Variants in HCN1 observed in about 807,000 individuals in gnomAD.
HCN1 encodes potassium/sodium hyperpolarization-activated cyclic nucleotide-gated channel 1.
Under a neutral mutation model 78.9 loss-of-function variants are expected in HCN1, and 13 were observed. The ratio of observed to expected loss-of-function variants is 0.16; its 90% CI spans 0.11 to 0.26. The LOEUF is 0.26. HCN1 is among the 10% of genes least tolerant of loss of function. The pLI, the probability that HCN1 is intolerant of heterozygous loss-of-function variation, is 1.00. For synonymous variants in HCN1, 552 were observed against 455.5 expected, an observed-to-expected ratio of 1.21 and a Z score of -2.70; for missense variants, 810 against 1,154.3, an observed-to-expected ratio of 0.70 and a Z score of 4.32.
chr5:45,518,207 C>T (rs1742547622), intron 2 of HCN1, among the ~76,000 whole-genome samples: 1 of 152,030 alleles, frequency 6.6e-6, no homozygotes, highest in African/African-American at 2.4e-5. Flanking sequence ...CTATGATGTA[C>T]AACATTTGGC....
chr5:45,353,267 A>C (rs1320196673), intron 4 of HCN1, 21 bp from the exon 5 acceptor site: 1 of 1,556,090 alleles, frequency 6.4e-7, no homozygotes, highest in East Asian at 2.3e-5. Flanking sequence ...GGGAAAATAA[A>C]ATTAAAAAAA....
rs369936298 is a variant in HCN1, at chr5:45,349,381, G to C, written c.1377+3719C>G. Among the ~76,000 whole-genome samples the C allele has an allele frequency of 8.6e-4, 131 of 152,316 alleles. 1 individual carries two copies. In the South Asian group the frequency reaches 0.019, roughly 22 times the overall value. ...TGGGACACATTCAAAGTAGTGTGTA[G>C]AGGGAAATTCATAGCACTAAATGCC... On this transcript the variant is annotated intron_variant, in intron 5 of 7. Transcript: ENST00000303230.
intron 1 of HCN1, among the ~76,000 whole-genome samples, chr5:45,660,535 C>T (rs1164476281): frequency 6.6e-6 from 1 of 151,742 alleles, no homozygotes; most frequent in Non-Finnish European, 1.5e-5. Flanking sequence ...CAAGACCCAT[C>T]AGTGTGCTGT....
chr5:45,273,790 C>A (rs1480380067), intron 6 of HCN1, among the ~76,000 whole-genome samples: 1 of 152,074 alleles, frequency 6.6e-6, no homozygotes, highest in African/African-American at 2.4e-5. Flanking sequence ...CAGAAAATAT[C>A]ACTTTTTTGC....
intron 1 of HCN1, among the ~76,000 whole-genome samples, chr5:45,689,345 C>A (rs34159951): frequency 0.031 from 4,658 of 151,972 alleles, 105 homozygotes; most frequent in Non-Finnish European, 0.046. Context: ...CAAGAAAAGT[C>A]TATTATGTGC....
At chr5:45,695,577 C>T (rs964345206) in intron 1 of HCN1, 92 bp downstream of exon 1, 2 of 1,307,058 alleles carry the variant, frequency 1.5e-6, no homozygotes. Context: ...GCCCGCCCTC[C>T]TAGTCCCCGG....
At chr5:45,488,973 A>C (rs1408623246) in intron 2 of HCN1, among the ~76,000 whole-genome samples, 1 of 152,170 alleles carries the variant, frequency 6.6e-6, no homozygotes, top group African/African-American at 2.4e-5. Flanking sequence ...TGAATAAAAC[A>C]GTTGCTGAAT....
chr5:45,444,167 C>A (rs1357152389), intron 3 of HCN1, among the ~76,000 whole-genome samples: 2 of 152,156 alleles, frequency 1.3e-5, no homozygotes, highest in Admixed American at 1.3e-4. Context: ...TACTTTACTG[C>A]TTTCTTAATA....
Position 45,287,075 on chromosome 5 carries a change from G to T in HCN1, c.1618+16524C>A, listed in dbSNP as rs140027995. Among the ~76,000 whole-genome samples, 36 of 151,664 alleles carry T rather than the reference G, an allele frequency of 2.4e-4. 1 individual carries two copies. In the East Asian group the frequency reaches 7.0e-3, roughly 29 times the overall value. ...ATATTATTTAGCAATAGGCTAGAAG[G>T]TATGCGTGTGTGTGTGTGTGTGTCT... On this transcript the variant is annotated intron_variant, in intron 6 of 7. Transcript: ENST00000303230.
At chr5:45,503,855 G>A (rs1195353647) in intron 2 of HCN1, among the ~76,000 whole-genome samples, 2 of 149,270 alleles carry the variant, frequency 1.3e-5, no homozygotes, top group East Asian at 2.0e-4. Context: ...GTGCCATCTC[G>A]GCTCACTGCA....
chr5:45,657,995 A>G (rs2112051587), intron 1 of HCN1, among the ~76,000 whole-genome samples: 1 of 152,230 alleles, frequency 6.6e-6, no homozygotes, highest in East Asian at 1.9e-4. Flanking sequence ...AAACTATACT[A>G]CAAGGCTACA....
At chr5:45,661,188 C>G (rs1424875500) in intron 1 of HCN1, among the ~76,000 whole-genome samples, 2 of 137,498 alleles carry the variant, frequency 1.5e-5, no homozygotes, top group African/African-American at 5.5e-5. Flanking sequence ...ACTGAACAAC[C>G]TGCTCCTGAA....
chr5:45,422,479 C>A (rs1190001823), intron 3 of HCN1, among the ~76,000 whole-genome samples: 1 of 152,142 alleles, frequency 6.6e-6, no homozygotes, highest in Non-Finnish European at 1.5e-5. Flanking sequence ...CTCACTTAAA[C>A]CTAATCACCC....
Position 45,272,074 on chromosome 5 carries a change from T to C in HCN1, c.1619-4821A>G, listed in dbSNP as rs1482475119. 2.0e-5 allele frequency among the ~76,000 whole-genome samples: 3 copies of C among 152,156 alleles called. No individual in the cohort carries two copies. In the East Asian group the frequency reaches 5.8e-4, roughly 29 times the overall value. On this transcript the variant is annotated intron_variant, in intron 6 of 7. Transcript: ENST00000303230. ...ACAGAATTAAGAAATGGCACACCCT[T>C]AGCAACGAAAAAAGAGTAAACTTTC...
At chr5:45,354,361 TA>T (rs1424906629) in intron 4 of HCN1, among the ~76,000 whole-genome samples, 1 of 151,906 alleles carries the variant, frequency 6.6e-6, no homozygotes, top group Non-Finnish European at 1.5e-5. Context: ...CAGCATCGAG[TA>T]CAAATTTTAA....
At chr5:45,297,083 G>C (rs1480740031) in intron 6 of HCN1, among the ~76,000 whole-genome samples, 1 of 152,082 alleles carries the variant, frequency 6.6e-6, no homozygotes, top group Non-Finnish European at 1.5e-5. Context: ...GCCCCAAACA[G>C]AGATTTACCC....
At chr5:45,487,252 C>T (rs2111689494) in intron 2 of HCN1, among the ~76,000 whole-genome samples, 1 of 152,092 alleles carries the variant, frequency 6.6e-6, no homozygotes, top group South Asian at 2.1e-4. Context: ...AACTGAAAAT[C>T]TTGTTCATAA....
At chr5:45,339,137 G>A (rs1003786143) in intron 5 of HCN1, among the ~76,000 whole-genome samples, 2 of 151,998 alleles carry the variant, frequency 1.3e-5, no homozygotes, top group African/African-American at 2.4e-5. Context: ...TTTCATTCAC[G>A]ACTCTGTTAA....
intron 2 of HCN1, among the ~76,000 whole-genome samples, chr5:45,478,937 C>T (rs1439863790): frequency 1.3e-5 from 2 of 152,032 alleles, no homozygotes; most frequent in Non-Finnish European, 2.9e-5. Context: ...GCCTGGCCAA[C>T]ATGGTTAAAC....
Sources: gnomAD v4.1 joint callset for allele counts (sites outside exome capture counted in the v4.1 genomes callset) on GRCh38, gnomAD v4.1.1 for gene constraint, MANE v1.5 for transcripts, NCBI Gene and HGNC (gene_info 2026-07-23, HGNC 2026-07-21) for gene names.